MTMR7: variants seen among roughly 807,000 people sequenced by gnomAD.
MTMR7 encodes the protein myotubularin related protein 7, also known as phosphatidylinositol-3-phosphate phosphatase MTMR7.
MTMR7 carries 76 observed loss-of-function variants against 81.2 expected under a neutral mutation model. That is an observed-to-expected ratio of 0.94 (90% CI 0.78 to 1.13). The LOEUF (loss-of-function observed/expected upper bound fraction) is 1.13, where lower values mean the gene tolerates loss of function less well. Among genes scored for constraint, MTMR7 ranks in the 50% most tolerant of loss-of-function variants. MTMR7 has a pLI of 0.00. For synonymous variants in MTMR7, 372 were observed against 289.8 expected, an observed-to-expected ratio of 1.28 and a Z score of -2.88; for missense variants, 1,044 against 820.0, an observed-to-expected ratio of 1.27 and a Z score of -3.34.
At chr8:17,393,134 G>C (rs550771226) in intron 1 of MTMR7, among the ~76,000 whole-genome samples, 1 of 152,226 alleles carries the variant, frequency 6.6e-6, no homozygotes, top group East Asian at 1.9e-4. Flanking sequence ...CATCTATAAA[G>C]AATCAATTTT....
rs894488995 is a variant in MTMR7, at chr8:17,297,195, A to G, written c.*2667T>C. Reference sequence around the variant, plus strand: ...AATTAAAGAGGAATACTTAGGAGTTACTAGGCTAATCAGTGTACGAATTTG... The same window carrying G: ...AATTAAAGAGGAATACTTAGGAGTTGCTAGGCTAATCAGTGTACGAATTTG... On this transcript the variant is annotated 3_prime_UTR_variant, in exon 14 of 14. Coordinates refer to ENST00000180173, the MANE Select transcript of MTMR7 (RefSeq NM_004686.5). The G allele has an allele frequency of 3.3e-5, 5 of 152,214 alleles. No individual in the cohort carries two copies. Among genetic ancestry groups the G allele is most frequent in the Admixed American group, 3.3e-4 (5 of 15,280 alleles). 9.4% of individuals were successfully genotyped at this position (152,214 alleles called of 1,614,324 possible).
chr8:17,344,907 C>T lies in MTMR7; in HGVS notation c.598-3410G>A, dbSNP rs188197854. 1.4e-4 allele frequency among the ~76,000 whole-genome samples: 22 copies of T among 152,014 alleles called. No homozygotes were observed. In the East Asian group the frequency reaches 4.1e-3, roughly 28 times the overall value. ...GAAATCTTCTAGAGTTTTGTTTCCT[C>T]GAAATGTGTACTGTAAATTTGGGAG... On this transcript the variant is annotated intron_variant, in intron 5 of 13. Coordinates refer to ENST00000180173, the MANE Select transcript of MTMR7 (RefSeq NM_004686.5).
At chr8:17,410,064 G>T (rs73666140) in intron 1 of MTMR7, among the ~76,000 whole-genome samples, 1 of 152,096 alleles carries the variant, frequency 6.6e-6, no homozygotes, top group African/African-American at 2.4e-5. Flanking sequence ...AGGAAACTTA[G>T]CAGGGAAGTA....
Position 17,413,247 on chromosome 8 carries a change from C to T in MTMR7, c.24+22G>A, listed in dbSNP as rs1254418769. The T allele has an allele frequency of 3.2e-6, 5 of 1,548,594 alleles. No individual in the cohort carries two copies. In the African/African-American group the frequency reaches 4.1e-5, roughly 13 times the overall value. On this transcript the variant is annotated intron_variant, in intron 1 of 13. Transcript: ENST00000180173. The stretch of plus-strand genomic sequence containing the variant: ...CCCCCATCTCCTCCCGTCCCTCCTC[C>T]GCCCGCGCTGGTGTCACCAACCTTG...
At chr8:17,350,244 C>A (rs147107274) in intron 4 of MTMR7, among the ~76,000 whole-genome samples, 2 of 152,278 alleles carry the variant, frequency 1.3e-5, no homozygotes, top group African/African-American at 4.8e-5. Context: ...CGTCTAACAA[C>A]AGGGGTGTAC....
intron 4 of MTMR7, among the ~76,000 whole-genome samples, chr8:17,356,066 C>G (rs894383498): frequency 6.6e-6 from 1 of 152,198 alleles, no homozygotes; most frequent in African/African-American, 2.4e-5. Flanking sequence ...TGTGTCCTAT[C>G]CACCCCATTA....
intron 1 of MTMR7, among the ~76,000 whole-genome samples, chr8:17,383,186 C>G (rs1428489784): frequency 1.3e-5 from 2 of 152,102 alleles, no homozygotes; most frequent in Admixed American, 1.3e-4. Flanking sequence ...CCCACCCTCT[C>G]AGTCCCTACT....
intron 1 of MTMR7, among the ~76,000 whole-genome samples, chr8:17,381,051 T>G (rs1820742664): frequency 1.3e-5 from 2 of 152,104 alleles, no homozygotes; most frequent in African/African-American, 4.8e-5. Context: ...TGCCTATGTG[T>G]GGCACTGTGT....
At position 17,413,282 on chromosome 8, in the gene MTMR7, A is replaced by G; in HGVS notation, c.11T>C (p.Ile4Thr). The G allele has an allele frequency of 1.3e-6, 2 of 1,546,958 alleles. No homozygotes were observed. The highest frequency in any genetic ancestry group is 1.7e-6 in the Non-Finnish European group (2 of 1,144,588). The change falls in exon 1 of 14, where the codon ATC becomes ACC. Residue 4 changes from isoleucine to threonine, a missense_variant. Ile to Thr is a moderately conservative substitution (Grantham distance 89). Transcript: ENST00000180173. Reference sequence around the variant, plus strand: ...GGTGTCACCAACCTTGGGCGTACGGATGTGCTCCATGGCTGGCCCACGTCT... The same window carrying G: ...GGTGTCACCAACCTTGGGCGTACGGGTGTGCTCCATGGCTGGCCCACGTCT... The part of the protein sequence containing the change: MEH[I>T]RTPKVENVRL...
intron 5 of MTMR7, among the ~76,000 whole-genome samples, chr8:17,342,007 A>G (rs1341049430): frequency 6.6e-6 from 1 of 152,174 alleles, no homozygotes; most frequent in Non-Finnish European, 1.5e-5. Flanking sequence ...CACGGTGACA[A>G]GAGCCCAGGT....
intron 4 of MTMR7, among the ~76,000 whole-genome samples, chr8:17,351,127 C>T (rs190924526): frequency 1.2e-4 from 18 of 152,336 alleles, no homozygotes; most frequent in African/African-American, 4.3e-4. Flanking sequence ...AGACCAACAA[C>T]ATTTTCCTAA....
intron 7 of MTMR7, among the ~76,000 whole-genome samples, chr8:17,324,146 T>A (rs1586186726): frequency 6.6e-6 from 1 of 152,318 alleles, no homozygotes; most frequent in Non-Finnish European, 1.5e-5. Context: ...GATCTTTCCT[T>A]CCTGCCATGA....
At chr8:17,364,490 C>A (rs896262233) in intron 3 of MTMR7, among the ~76,000 whole-genome samples, 1 of 152,162 alleles carries the variant, frequency 6.6e-6, no homozygotes, top group Non-Finnish European at 1.5e-5. Context: ...ATTACCTATA[C>A]TCAACACACT....
chr8:17,357,846 T>C (rs1269820970), intron 4 of MTMR7, among the ~76,000 whole-genome samples: 1 of 152,236 alleles, frequency 6.6e-6, no homozygotes, highest in Non-Finnish European at 1.5e-5. Flanking sequence ...ATTCATTCCG[T>C]TATTCTTCAA....
At chr8:17,318,249 T>A (rs1818201540) in intron 7 of MTMR7, among the ~76,000 whole-genome samples, 1 of 152,060 alleles carries the variant, frequency 6.6e-6, no homozygotes, top group African/African-American at 2.4e-5. Context: ...ATTATCATGC[T>A]CGGGCTGGGA....
chr8:17,319,225 T>TGAGCC (rs1241823703), intron 7 of MTMR7, among the ~76,000 whole-genome samples: 8 of 152,228 alleles, frequency 5.3e-5, no homozygotes, highest in Admixed American at 1.3e-4. Flanking sequence ...GGCTAGTTAC[T>TGAGCC]GAGCCTCGCT....
chr8:17,301,857 G>GA (rs1289762800), intron 13 of MTMR7: 3 of 406,596 alleles, frequency 7.4e-6, no homozygotes, highest in Non-Finnish European at 1.3e-5. Flanking sequence ...ACACTTTCCA[G>GA]AAAAAAATTA....
intron 6 of MTMR7, among the ~76,000 whole-genome samples, chr8:17,336,890 A>G (rs1393254707): frequency 2.6e-5 from 4 of 152,160 alleles, no homozygotes; most frequent in African/African-American, 9.7e-5. Flanking sequence ...AACAGAAAAA[A>G]CACCATGGTC....
intron 5 of MTMR7, among the ~76,000 whole-genome samples, chr8:17,347,889 G>C (rs185805795): frequency 1.3e-5 from 2 of 152,268 alleles, no homozygotes; most frequent in East Asian, 3.9e-4. Context: ...CACAACATTA[G>C]CCCTCCGTCA....
Sources: allele counts gnomAD v4.1 joint callset (sites outside exome capture counted in the v4.1 genomes callset), GRCh38; gene constraint gnomAD v4.1.1; transcripts MANE v1.5; gene names NCBI Gene and HGNC (gene_info 2026-07-23, HGNC 2026-07-21).